The following TMED3 variants were observed in gnomAD, a reference collection of about 807,000 sequenced individuals.
TMED3 encodes the protein transmembrane p24 trafficking protein 3.
A neutral mutation model predicts 15.0 loss-of-function variants in TMED3; 9 were observed. The ratio of observed to expected loss-of-function variants is 0.60; its 90% CI spans 0.36 to 1.04. The LOEUF is 1.04. Ranked by LOEUF, TMED3 falls within the 50% of genes least tolerant of loss-of-function variation. The probability of loss-of-function intolerance (pLI) is 0.01; values close to 1 mark genes in which losing one functional copy is unlikely to be tolerated. For missense variants in TMED3, 267 were observed against 278.9 expected (o/e 0.96, Z 0.30); for synonymous variants, 117 against 121.4 (o/e 0.96, Z 0.24).
At chr15:79,328,423 C>G (rs1293170686) in intron 2 of TMED3, among the ~76,000 whole-genome samples, 1 of 151,966 alleles carries the variant, frequency 6.6e-6, no homozygotes, top group Non-Finnish European at 1.5e-5. Flanking sequence ...TTATCTATTC[C>G]CCTGACTTCT....
intron 2 of TMED3, among the ~76,000 whole-genome samples, chr15:79,318,888 G>A (rs772204659): frequency 9.2e-5 from 14 of 152,250 alleles, no homozygotes; most frequent in Non-Finnish European, 2.1e-4. Flanking sequence ...TCCCTTTGGA[G>A]TCAACTTCCT....
chr15:79,378,765 C>G (rs1893470373), intron 2 of TMED3, among the ~76,000 whole-genome samples: 1 of 152,130 alleles, frequency 6.6e-6, no homozygotes, highest in Non-Finnish European at 1.5e-5. Flanking sequence ...TTATCATATT[C>G]CATTGATTAA....
At chr15:79,376,205 GTTCACGCAAGAGAAAGATTTCT>G (rs1193846363) in intron 2 of TMED3, among the ~76,000 whole-genome samples, 1 of 149,586 alleles carries the variant, frequency 6.7e-6, no homozygotes, top group Non-Finnish European at 1.5e-5. Flanking sequence ...CGCCTCCCGG[GTTCACGCAAGAGAAAGATTTCT>G]TTAAGTTAAA....
downstream of TMED3, among the ~76,000 whole-genome samples, chr15:79,324,346 T>A (rs1037577661): frequency 3.3e-5 from 5 of 152,210 alleles, no homozygotes; most frequent in Admixed American, 6.5e-5. Flanking sequence ...TATGAAACAT[T>A]TTGAAATTGA....
intron 2 of TMED3, among the ~76,000 whole-genome samples, chr15:79,400,446 TC>T (rs1437571498): frequency 2.0e-5 from 3 of 152,200 alleles, no homozygotes; most frequent in African/African-American, 7.2e-5. Context: ...CACCTTCACT[TC>T]CCCAATGCCT....
chr15:79,346,644 G>C (rs780778125), intron 2 of TMED3, among the ~76,000 whole-genome samples: 3 of 152,100 alleles, frequency 2.0e-5, no homozygotes, highest in Non-Finnish European at 4.4e-5. Flanking sequence ...GGTTTTTATA[G>C]TTTTGGGTTT....
chr15:79,409,180 G>C lies in TMED3; in HGVS notation c.418-2220G>C, dbSNP rs149954430. The stretch of plus-strand genomic sequence containing the variant: ...GATGCATCCTATAAGGACAGGTCGA[G>C]GAGTTACAGTCTGCAAGTGCAGAGA... On this transcript the variant is annotated intron_variant, in intron 2 of 2. Transcript: ENST00000424155. Among the ~76,000 whole-genome samples, 494 of 152,326 alleles carry C rather than the reference G, an allele frequency of 3.2e-3. 3 individuals carry two copies. The highest frequency in any genetic ancestry group is 5.4e-3 in the Non-Finnish European group (364 of 68,028).
At chr15:79,405,716 T>C (rs1476009245) in intron 2 of TMED3, among the ~76,000 whole-genome samples, 1 of 152,230 alleles carries the variant, frequency 6.6e-6, no homozygotes, top group Non-Finnish European at 1.5e-5. Flanking sequence ...TACTTTCCGC[T>C]TCTGGCTCAT....
chr15:79,350,199 T>A (rs35129644), intron 2 of TMED3, among the ~76,000 whole-genome samples: 22,746 of 152,086 alleles, frequency 0.15, 1,666 homozygotes, highest in Middle Eastern at 0.2. Flanking sequence ...AATGGATGAA[T>A]AGCTGGACGG....
intron 2 of TMED3, among the ~76,000 whole-genome samples, chr15:79,360,649 A>ATATATGCCTCAC (rs1567032496): frequency 6.6e-6 from 1 of 152,006 alleles, no homozygotes; most frequent in Non-Finnish European, 1.5e-5. Flanking sequence ...CCTTAAGTGG[A>ATATATGCCTCAC]TTATATATGT....
chr15:79,396,256 G>T (rs1324647541), intron 2 of TMED3, among the ~76,000 whole-genome samples: 2 of 152,190 alleles, frequency 1.3e-5, no homozygotes, highest in African/African-American at 4.8e-5. Context: ...GCCAACATTT[G>T]GTGGTATAAA....
intron 2 of TMED3, among the ~76,000 whole-genome samples, chr15:79,354,023 C>G (rs1359661772): frequency 1.3e-5 from 2 of 152,158 alleles, no homozygotes; most frequent in Admixed American, 1.3e-4. Context: ...GGACTGAACC[C>G]TTCATTGCCC....
At chr15:79,382,838 C>G in intron 2 of TMED3, 1 of 833,476 alleles carries the variant, frequency 1.2e-6, no homozygotes, top group Admixed American at 2.2e-5. Context: ...GATATAGGTG[C>G]AGGGAAGCTT....
chr15:79,321,915 G>C, intron 2 of TMED3, 63 bp from the exon 3 acceptor site: 1 of 1,571,626 alleles, frequency 6.4e-7, no homozygotes. Flanking sequence ...AGCATTTGCT[G>C]TTTGCTGGAT....
Position 79,322,130 on chromosome 15 carries a change from G to C in TMED3, c.570G>C (p.Leu190=), listed in dbSNP as rs201736589. Residue 190 remains leucine, a synonymous_variant, in exon 3 of 3, where the codon CTG becomes CTC. Coordinates refer to ENST00000299705, the MANE Select transcript of TMED3 (RefSeq NM_007364.4). The stretch of plus-strand genomic sequence containing the variant: ...GGTCTGTTGGCGAGACGATTGCCCT[G>C]TTCGTGGTCAGCTTCAGTCAGGTGC... ...SYWSVGETIA[L]FVVSFSQVLL... The C allele has an allele frequency of 1.3e-5, 21 of 1,614,214 alleles. No homozygotes were observed. Among genetic ancestry groups the C allele is most frequent in the South Asian group, 9.9e-5 (9 of 91,086 alleles).
At chr15:79,391,760 C>T (rs1567038988) in intron 2 of TMED3, among the ~76,000 whole-genome samples, 1 of 152,016 alleles carries the variant, frequency 6.6e-6, no homozygotes, top group Admixed American at 6.6e-5. Context: ...AATTTCGGAG[C>T]GCCAGTGTTT....
chr15:79,324,075 C>A (rs1387612234), downstream of TMED3, among the ~76,000 whole-genome samples: 1 of 152,172 alleles, frequency 6.6e-6, no homozygotes, highest in South Asian at 2.1e-4. Context: ...ACAGCAACCT[C>A]CCCCTCCTGG....
intron 2 of TMED3, among the ~76,000 whole-genome samples, chr15:79,386,446 T>C (rs945201979): frequency 4.6e-5 from 7 of 152,212 alleles, no homozygotes; most frequent in Admixed American, 2.0e-4. Flanking sequence ...TTGTTCCTCA[T>C]TGAGTATATG....
chr15:79,399,429 CA>C (rs565627707), intron 2 of TMED3, among the ~76,000 whole-genome samples: 66 of 151,842 alleles, frequency 4.3e-4, no homozygotes, highest in African/African-American at 1.5e-3. Flanking sequence ...TGTGTGAGTC[CA>C]AAAACGCAAA....
Sources: gnomAD v4.1 joint callset for allele counts (sites outside exome capture counted in the v4.1 genomes callset) on GRCh38, gnomAD v4.1.1 for gene constraint, MANE v1.5 for transcripts, NCBI Gene and HGNC (gene_info 2026-07-23, HGNC 2026-07-21) for gene names.